Variants in TENM3 observed in about 807,000 individuals in gnomAD.
The protein encoded by TENM3 is teneurin-3.
In TENM3, 63 loss-of-function variants were observed where a neutral mutation model predicts 255.1. The ratio of observed to expected loss-of-function variants is 0.25; its 90% CI spans 0.20 to 0.30. The LOEUF (loss-of-function observed/expected upper bound fraction) is 0.30, where lower values mean the gene tolerates loss of function less well. TENM3 is among the 10% of genes least tolerant of loss of function. The pLI, the probability that TENM3 is intolerant of heterozygous loss-of-function variation, is 1.00. For missense variants in TENM3, 2,929 were observed against 3,461.1 expected (o/e 0.85, Z 3.86); for synonymous variants, 1,306 against 1,322.3 (o/e 0.99, Z 0.27).
At chr4:182,198,617 G>A (rs1753976697) in intron 1 of TENM3, among the ~76,000 whole-genome samples, 1 of 152,364 alleles carries the variant, frequency 6.6e-6, no homozygotes, top group South Asian at 2.1e-4. Context: ...CAGTTGGAAT[G>A]AAGCTGACAG....
At chr4:182,384,535 T>C (rs906642689) in intron 3 of TENM3, among the ~76,000 whole-genome samples, 1 of 152,168 alleles carries the variant, frequency 6.6e-6, no homozygotes, top group African/African-American at 2.4e-5. Context: ...GGAATAAATG[T>C]GGTACTTTGG....
chr4:181,926,756 C>T, the TENM3 span, among the ~76,000 whole-genome samples: 1 of 152,028 alleles, frequency 6.6e-6, no homozygotes, highest in Admixed American at 6.6e-5. Context: ...CGGTCTGCAG[C>T]TCCCAGGAAG....
intron 16 of TENM3, among the ~76,000 whole-genome samples, 165 bp from the exon 17 acceptor site, chr4:182,736,643 G>C (rs898515959): frequency 2.6e-5 from 4 of 152,072 alleles, no homozygotes; most frequent in African/African-American, 9.7e-5. Flanking sequence ...TTTTATTTTA[G>C]TTGCTCTAAA....
At chr4:181,713,497 G>A in the TENM3 span, among the ~76,000 whole-genome samples, 1 of 152,102 alleles carries the variant, frequency 6.6e-6, no homozygotes, top group Non-Finnish European at 1.5e-5. Context: ...CTTTACCTTG[G>A]TTGAGGGAAA....
chr4:182,549,037 CTT>C (rs1741746171), intron 3 of TENM3, among the ~76,000 whole-genome samples: 2 of 152,088 alleles, frequency 1.3e-5, no homozygotes, highest in Admixed American at 6.5e-5. Context: ...CCAGCAATAA[CTT>C]AACTAAGTGA....
the TENM3 span, among the ~76,000 whole-genome samples, chr4:181,815,130 T>C: frequency 1.3e-5 from 2 of 151,938 alleles, no homozygotes; most frequent in African/African-American, 4.8e-5. Flanking sequence ...GTTAAAGAAA[T>C]ACAACATGCA....
intron 12 of TENM3, among the ~76,000 whole-genome samples, chr4:182,693,472 G>A (rs954871118): frequency 5.3e-5 from 8 of 151,718 alleles, no homozygotes; most frequent in Admixed American, 2.0e-4. Context: ...AAGTAGCTGG[G>A]GTTACAGGCG....
chr4:181,892,838 T>G, the TENM3 span, among the ~76,000 whole-genome samples: 1 of 152,344 alleles, frequency 6.6e-6, no homozygotes, highest in Middle Eastern at 3.4e-3. Context: ...TATAGGTTGC[T>G]TCCAAATTGT....
the TENM3 span, among the ~76,000 whole-genome samples, chr4:182,111,633 T>C: frequency 2.0e-5 from 3 of 152,108 alleles, no homozygotes; most frequent in Non-Finnish European, 4.4e-5. Context: ...TTTCCTTAGG[T>C]CCTTTATTTT....
intron 1 of TENM3, among the ~76,000 whole-genome samples, chr4:182,314,300 C>CA (rs200624196): frequency 0.021 from 2,821 of 136,790 alleles, 35 homozygotes; most frequent in African/African-American, 0.039. Flanking sequence ...GACTCCGTCT[C>CA]AAAAAAAAAA....
At chr4:181,605,486 GAAAGAA>G in the TENM3 span, among the ~76,000 whole-genome samples, 498 of 17,168 alleles carry the variant, frequency 0.029, 29 homozygotes, top group Middle Eastern at 0.12. Flanking sequence ...AACAGAGAAA[GAAAGAA>G]AGAAAGAAAG....
At chr4:182,293,561 A>G (rs1290181590) in intron 1 of TENM3, among the ~76,000 whole-genome samples, 1 of 152,136 alleles carries the variant, frequency 6.6e-6, no homozygotes, top group Non-Finnish European at 1.5e-5. Context: ...GAAGCTTTCC[A>G]CCTTTCAAAG....
chr4:181,839,139 A>G, the TENM3 span, among the ~76,000 whole-genome samples: 1 of 150,912 alleles, frequency 6.6e-6, no homozygotes, highest in African/African-American at 2.4e-5. Context: ...AGTAATTTAG[A>G]AATAGATTTC....
the TENM3 span, among the ~76,000 whole-genome samples, chr4:182,091,242 A>C: frequency 6.6e-6 from 1 of 152,230 alleles, no homozygotes; most frequent in African/African-American, 2.4e-5. Context: ...AGCAGCCAAA[A>C]GATAACTAGA....
chr4:181,939,106 A>G, the TENM3 span, among the ~76,000 whole-genome samples: 1 of 152,236 alleles, frequency 6.6e-6, no homozygotes, highest in Non-Finnish European at 1.5e-5. Flanking sequence ...AATAATTATA[A>G]CAGTAATCTT....
chr4:182,165,788 G>C (rs1325601221), intron 1 of TENM3, among the ~76,000 whole-genome samples: 1 of 151,964 alleles, frequency 6.6e-6, no homozygotes, highest in Non-Finnish European at 1.5e-5. Context: ...GCAGTTTTTT[G>C]TTTTTTTGAG....
chr4:181,502,947 C>A, the TENM3 span, among the ~76,000 whole-genome samples: 29 of 152,168 alleles, frequency 1.9e-4, no homozygotes, highest in Non-Finnish European at 3.2e-4. Context: ...AAGCACATCC[C>A]ACTGGGTTAT....
the TENM3 span, among the ~76,000 whole-genome samples, chr4:181,879,156 T>C: frequency 3.3e-5 from 5 of 152,286 alleles, no homozygotes; most frequent in Middle Eastern, 0.01. Flanking sequence ...TGCAGAAATA[T>C]ATGGGTCAAC....
At chr4:182,537,770 C>T (rs775449000) in intron 3 of TENM3, among the ~76,000 whole-genome samples, 2 of 152,170 alleles carry the variant, frequency 1.3e-5, no homozygotes, top group Admixed American at 1.3e-4. Context: ...TCTGTGGATA[C>T]GTTTGTGTCC....
Sources: allele counts gnomAD v4.1 joint callset (sites outside exome capture counted in the v4.1 genomes callset), GRCh38; gene constraint gnomAD v4.1.1; transcripts MANE v1.5; gene names NCBI Gene and HGNC (gene_info 2026-07-23, HGNC 2026-07-21).